ARHGEF3: variants seen among roughly 807,000 people sequenced by gnomAD.
ARHGEF3 encodes Rho guanine nucleotide exchange factor 3, also known as 59.8 kDA protein.
ARHGEF3 carries 28 observed loss-of-function variants against 63.2 expected under a neutral mutation model. The observed-to-expected ratio is 0.44, with a 90% CI of 0.33 to 0.61. The LOEUF is 0.61. Among genes scored for constraint, ARHGEF3 ranks in the 20% least tolerant of loss-of-function variants. ARHGEF3 has a pLI of 0.03. For missense variants in ARHGEF3, 533 were observed against 659.3 expected (o/e 0.81, Z 2.10); for synonymous variants, 266 against 254.2 (o/e 1.05, Z -0.44).
chr3:56,995,978 G>A (rs1388770115), intron 2 of ARHGEF3, among the ~76,000 whole-genome samples: 3 of 152,132 alleles, frequency 2.0e-5, no homozygotes, highest in Non-Finnish European at 4.4e-5. Flanking sequence ...TTATCAAAGA[G>A]CAAGGCCCTG....
intron 1 of ARHGEF3, among the ~76,000 whole-genome samples, chr3:57,044,675 T>C (rs950854836): frequency 2.6e-5 from 4 of 152,136 alleles, no homozygotes; most frequent in Admixed American, 6.6e-5. Context: ...CTCCATCACA[T>C]GTTCATTTGG....
At chr3:56,847,882 C>G (rs1428621635) in intron 4 of ARHGEF3, among the ~76,000 whole-genome samples, 2 of 152,042 alleles carry the variant, frequency 1.3e-5, no homozygotes, top group Non-Finnish European at 2.9e-5. Context: ...CTGGCCTACC[C>G]TTGATTTTGT....
chr3:56,754,198 GT>G (rs2034931561), intron 3 of ARHGEF3, among the ~76,000 whole-genome samples: 1 of 152,158 alleles, frequency 6.6e-6, no homozygotes, highest in African/African-American at 2.4e-5. Context: ...TAAATGGACC[GT>G]TTCTAATTTG....
At chr3:56,883,590 C>T (rs934496538) in intron 3 of ARHGEF3, among the ~76,000 whole-genome samples, 1 of 152,166 alleles carries the variant, frequency 6.6e-6, no homozygotes, top group African/African-American at 2.4e-5. Flanking sequence ...AACCATTGAG[C>T]CTGGCCTTTT....
chr3:56,861,501 T>A (rs1333389200), intron 4 of ARHGEF3, among the ~76,000 whole-genome samples: 2 of 152,194 alleles, frequency 1.3e-5, no homozygotes, highest in African/African-American at 4.8e-5. Flanking sequence ...AGCAAGGAAA[T>A]TTGAGCCCAA....
chr3:57,003,868 G>A (rs1347949318), intron 2 of ARHGEF3, among the ~76,000 whole-genome samples: 1 of 152,210 alleles, frequency 6.6e-6, no homozygotes, highest in East Asian at 1.9e-4. Context: ...ATGGCCTCCA[G>A]AAGGAGCCAA....
intron 3 of ARHGEF3, among the ~76,000 whole-genome samples, chr3:56,906,707 G>A (rs560316501): frequency 6.6e-6 from 1 of 151,708 alleles, no homozygotes; most frequent in East Asian, 2.0e-4. Flanking sequence ...GTGGTGGCAG[G>A]CCCCTGTAAT....
intron 4 of ARHGEF3, among the ~76,000 whole-genome samples, chr3:56,863,144 T>A (rs1481644466): frequency 7.3e-6 from 1 of 137,546 alleles, no homozygotes; most frequent in Non-Finnish European, 1.6e-5. Context: ...TACCTTTTTC[T>A]TTTTTTTTTT....
chr3:56,986,547 T>C (rs916831934), intron 2 of ARHGEF3, among the ~76,000 whole-genome samples: 8 of 152,080 alleles, frequency 5.3e-5, no homozygotes, highest in African/African-American at 1.7e-4. Flanking sequence ...GCAACAGCCC[T>C]GGGGACGGTG....
intron 1 of ARHGEF3, among the ~76,000 whole-genome samples, chr3:56,779,479 T>A (rs1044438444): frequency 6.6e-6 from 1 of 150,600 alleles, no homozygotes; most frequent in Non-Finnish European, 1.5e-5. Flanking sequence ...ATAAAAAGTT[T>A]TTTTTTATTT....
intron 3 of ARHGEF3, among the ~76,000 whole-genome samples, chr3:56,950,552 G>A (rs1560077463): frequency 6.6e-6 from 1 of 152,094 alleles, no homozygotes; most frequent in Non-Finnish European, 1.5e-5. Context: ...CTGGCCATCA[G>A]AGAAATGCAA....
intron 1 of ARHGEF3, chr3:57,073,528 T>G: frequency 1.7e-6 from 2 of 1,175,980 alleles, no homozygotes; most frequent in Admixed American, 3.0e-5. Flanking sequence ...GGGGTTTGGC[T>G]CTGTTTGAGC....
At chr3:56,874,147 A>C (rs2040515368) in intron 4 of ARHGEF3, among the ~76,000 whole-genome samples, 1 of 152,234 alleles carries the variant, frequency 6.6e-6, no homozygotes, top group South Asian at 2.1e-4. Context: ...CAGAGGCGGC[A>C]GCGTCAGAAC....
chr3:56,765,556 A>C (rs1326705519), intron 2 of ARHGEF3, among the ~76,000 whole-genome samples: 1 of 152,166 alleles, frequency 6.6e-6, no homozygotes, highest in Admixed American at 6.5e-5. Context: ...CAGACATGGA[A>C]ATCAGCACAT....
At chr3:57,044,816 C>T (rs1704377585) in intron 1 of ARHGEF3, among the ~76,000 whole-genome samples, 1 of 152,176 alleles carries the variant, frequency 6.6e-6, no homozygotes, top group African/African-American at 2.4e-5. Flanking sequence ...TCAACCCCTG[C>T]CTGGTTCCAG....
intron 3 of ARHGEF3, among the ~76,000 whole-genome samples, chr3:56,910,373 A>G (rs2041823749): frequency 6.6e-6 from 1 of 152,228 alleles, no homozygotes; most frequent in Non-Finnish European, 1.5e-5. Flanking sequence ...GATTGATGGA[A>G]AGATGGGATG....
At chr3:56,767,563 A>G (rs1467984106) in intron 2 of ARHGEF3, among the ~76,000 whole-genome samples, 44 of 142,654 alleles carry the variant, frequency 3.1e-4, no homozygotes, top group African/African-American at 1.1e-3. Context: ...CAGCCTGGGC[A>G]ACAAAGCGAG....
intron 2 of ARHGEF3, among the ~76,000 whole-genome samples, chr3:57,013,948 C>G (rs531515421): frequency 9.2e-5 from 14 of 152,322 alleles, no homozygotes; most frequent in South Asian, 4.1e-4. Context: ...AATTTCCACT[C>G]TGGGGAAGTT....
intron 1 of ARHGEF3, among the ~76,000 whole-genome samples, chr3:57,054,733 C>T (rs1362549256): frequency 2.0e-5 from 3 of 150,296 alleles, no homozygotes; most frequent in Non-Finnish European, 4.4e-5. Context: ...CTCACTGCAA[C>T]CTCTGACTCC....
Sources: gnomAD v4.1 joint callset for allele counts (sites outside exome capture counted in the v4.1 genomes callset) on GRCh38, gnomAD v4.1.1 for gene constraint, MANE v1.5 for transcripts, NCBI Gene and HGNC (gene_info 2026-07-23, HGNC 2026-07-21) for gene names.